KLRG2: variants seen among roughly 807,000 people sequenced by gnomAD.
The protein encoded by KLRG2 is killer cell lectin like receptor G2.
A neutral mutation model predicts 35.4 loss-of-function variants in KLRG2; 39 were observed. The ratio of observed to expected loss-of-function variants is 1.10; its 90% confidence interval spans 0.85 to 1.44. The LOEUF is 1.44. Among genes scored for constraint, KLRG2 ranks in the 40% most tolerant of loss-of-function variants. The pLI, the probability that KLRG2 is intolerant of heterozygous loss-of-function variation, is 0.00. For synonymous variants in KLRG2, 283 were observed against 265.8 expected, an observed-to-expected ratio of 1.06 and a Z score of -0.63; for missense variants, 632 against 570.9, an observed-to-expected ratio of 1.11 and a Z score of -1.09.
downstream of KLRG2, among the ~76,000 whole-genome samples, chr7:139,451,004 C>T (rs112190572): frequency 4.8e-3 from 733 of 152,234 alleles, 2 homozygotes; most frequent in African/African-American, 0.016. Flanking sequence ...TATGGAGAGC[C>T]GCAGGTGCAG....
At chr7:139,456,945 G>GC (rs1569410316) in intron 3 of KLRG2, among the ~76,000 whole-genome samples, 1 of 123,108 alleles carries the variant, frequency 8.1e-6, no homozygotes, top group Non-Finnish European at 1.6e-5. Flanking sequence ...CCAAAAATCA[G>GC]CAGAGCCACA....
intron 3 of KLRG2, among the ~76,000 whole-genome samples, chr7:139,478,600 G>C (rs554757753): frequency 1.3e-5 from 2 of 152,090 alleles, no homozygotes; most frequent in Non-Finnish European, 2.9e-5. Context: ...AACCCGGGAG[G>C]TGAAGGTTGC....
At chr7:139,463,708 G>T (rs1796606785) in intron 3 of KLRG2, among the ~76,000 whole-genome samples, 1 of 152,156 alleles carries the variant, frequency 6.6e-6, no homozygotes. Flanking sequence ...TGGAACTCCG[G>T]CCCAAGGCTC....
intron 3 of KLRG2, among the ~76,000 whole-genome samples, chr7:139,463,528 G>T (rs564809097): frequency 6.6e-6 from 1 of 152,120 alleles, no homozygotes; most frequent in Admixed American, 6.6e-5. Flanking sequence ...GCGGCCAGGC[G>T]TTCCTACAGG....
the KLRG2 span, among the ~76,000 whole-genome samples, chr7:139,433,972 C>G: frequency 6.6e-6 from 1 of 152,162 alleles, no homozygotes; most frequent in East Asian, 1.9e-4. Context: ...TTTAACCTCA[C>G]AGGCGATTCC....
chr7:139,475,761 G>T (rs538744347), intron 3 of KLRG2, among the ~76,000 whole-genome samples: 7 of 152,106 alleles, frequency 4.6e-5, no homozygotes, highest in Non-Finnish European at 1.0e-4. Flanking sequence ...AAGAGGGAAC[G>T]TGGGAGTCCA....
At chr7:139,443,688 A>G in the KLRG2 span, among the ~76,000 whole-genome samples, 6 of 152,022 alleles carry the variant, frequency 3.9e-5, no homozygotes, top group South Asian at 1.2e-3. Flanking sequence ...CAGCCTCCCA[A>G]GTAGCTGGGA....
the KLRG2 span, among the ~76,000 whole-genome samples, chr7:139,445,823 CTTTAAGTTTTATTT>C: frequency 1.9e-5 from 2 of 105,904 alleles, no homozygotes; most frequent in East Asian, 4.6e-4. Flanking sequence ...GAGTTTTGCT[CTTTAAGTTTTATTT>C]TTTATTTTTT....
rs193081812 is a variant in KLRG2, at chr7:139,468,116, G to A, written c.1005+11511C>T. Among the ~76,000 whole-genome samples the A allele has an allele frequency of 4.7e-4, 72 of 152,172 alleles. 1 individual carries two copies. Among genetic ancestry groups the A allele is most frequent in the Admixed American group, 3.3e-3 (51 of 15,276 alleles). ...CTATGAGGTAGAGACCTTTGTTCAC[G>A]TGTTTATCTGCTGACCTTCTCTCCA... On this transcript the variant is annotated intron_variant, in intron 3 of 4. Transcript: ENST00000340940.
At chr7:139,479,581 G>A (rs1028149433) in intron 3 of KLRG2, 46 bp downstream of exon 3, 2 of 1,572,102 alleles carry the variant, frequency 1.3e-6, no homozygotes, top group Admixed American at 1.7e-5. Context: ...GGATTCTGTG[G>A]TCTAGAAAGA....
chr7:139,463,223 C>T (rs1796597757), intron 3 of KLRG2, among the ~76,000 whole-genome samples: 1 of 152,210 alleles, frequency 6.6e-6, no homozygotes, highest in South Asian at 2.1e-4. Flanking sequence ...AGACGCTTTA[C>T]AGCCCTAGAC....
chr7:139,454,862 AAT>A (rs1164650824), intron 3 of KLRG2, among the ~76,000 whole-genome samples: 8 of 139,512 alleles, frequency 5.7e-5, no homozygotes, highest in East Asian at 2.1e-4. Flanking sequence ...TAATAATAAT[AAT>A]AACACACGCA....
At chr7:139,467,698 C>G (rs942622671) in intron 3 of KLRG2, among the ~76,000 whole-genome samples, 1 of 150,864 alleles carries the variant, frequency 6.6e-6, no homozygotes, top group African/African-American at 2.5e-5. Flanking sequence ...ACAAACACTG[C>G]GGAAGGCCGC....
intron 3 of KLRG2, among the ~76,000 whole-genome samples, chr7:139,472,434 A>G (rs969470511): frequency 2.0e-5 from 3 of 152,022 alleles, no homozygotes; most frequent in Admixed American, 6.6e-5. Flanking sequence ...AAATAGAAAG[A>G]AAAAAGGACA....
chr7:139,454,837 TAATAATAATAATAA>T (rs1330066425), intron 3 of KLRG2, among the ~76,000 whole-genome samples: 19 of 76,842 alleles, frequency 2.5e-4, no homozygotes, highest in South Asian at 7.8e-4. Flanking sequence ...ATAATAATAA[TAATAATAATAATAA>T]TAATAATAAT....
chr7:139,475,313 C>A (rs894569434), intron 3 of KLRG2, among the ~76,000 whole-genome samples: 1 of 152,082 alleles, frequency 6.6e-6, no homozygotes, highest in Admixed American at 6.6e-5. Flanking sequence ...AGGCGGATCA[C>A]GAGGTCAGGA....
intron 3 of KLRG2, among the ~76,000 whole-genome samples, chr7:139,468,454 C>A (rs1052435313): frequency 6.6e-6 from 1 of 152,284 alleles, no homozygotes; most frequent in African/African-American, 2.4e-5. Flanking sequence ...ACCTTGTGAC[C>A]CTTGCCCCTG....
At chr7:139,476,656 T>C (rs1193357567) in intron 3 of KLRG2, among the ~76,000 whole-genome samples, 2 of 152,058 alleles carry the variant, frequency 1.3e-5, no homozygotes, top group Non-Finnish European at 2.9e-5. Flanking sequence ...GCCAGGCTGG[T>C]CTTGAACTCC....
chr7:139,477,378 A>G (rs1178291735), intron 3 of KLRG2, among the ~76,000 whole-genome samples: 1 of 152,220 alleles, frequency 6.6e-6, no homozygotes. Context: ...CATACACACA[A>G]TGGAGTATTA....
Sources: gnomAD v4.1 joint callset for allele counts (sites outside exome capture counted in the v4.1 genomes callset) on GRCh38, gnomAD v4.1.1 for gene constraint, MANE v1.5 for transcripts, NCBI Gene and HGNC (gene_info 2026-07-23, HGNC 2026-07-21) for gene names.